The following BAZ2B variants were observed in gnomAD, a reference collection of about 807,000 sequenced individuals.
The protein encoded by BAZ2B is bromodomain adjacent to zinc finger domain protein 2B.
Under a neutral mutation model 246.0 loss-of-function variants are expected in BAZ2B, and 91 were observed. That is an observed-to-expected ratio of 0.37 (90% CI 0.31 to 0.44). The LOEUF (loss-of-function observed/expected upper bound fraction) is 0.44. BAZ2B is among the 20% of genes least tolerant of loss of function. The pLI is 1.00. For synonymous variants in BAZ2B, 855 were observed against 860.0 expected, an observed-to-expected ratio of 0.99 and a Z score of 0.10; for missense variants, 2,332 against 2,533.7, an observed-to-expected ratio of 0.92 and a Z score of 1.71.
chr2:159,627,663 G>A, the BAZ2B span, among the ~76,000 whole-genome samples: 22 of 152,074 alleles, frequency 1.4e-4, no homozygotes, highest in East Asian at 7.7e-4. Context: ...TTGATGAAGC[G>A]TATCTCAAAA....
intron 3 of BAZ2B, chr2:159,464,130 T>C (rs2076755231): frequency 6.6e-6 from 1 of 152,214 alleles, no homozygotes; most frequent in South Asian, 2.1e-4. Context: ...CTTACATGAC[T>C]AAAGAACAAC....
At chr2:159,648,898 G>A in the BAZ2B span, among the ~76,000 whole-genome samples, 3 of 152,098 alleles carry the variant, frequency 2.0e-5, no homozygotes, top group Admixed American at 6.5e-5. Context: ...CTGCCAAACT[G>A]TTTACCAAAG....
chr2:159,520,448 A>G (rs1194462509), intron 2 of BAZ2B, among the ~76,000 whole-genome samples: 1 of 152,178 alleles, frequency 6.6e-6, no homozygotes, highest in Admixed American at 6.5e-5. Context: ...GCTATATATT[A>G]CTATATAATT....
chr2:159,627,311 T>G, the BAZ2B span, among the ~76,000 whole-genome samples: 2 of 149,908 alleles, frequency 1.3e-5, no homozygotes, highest in Non-Finnish European at 3.0e-5. Context: ...ATCCTCCCTC[T>G]TTTTATGAGG....
intron 1 of BAZ2B, among the ~76,000 whole-genome samples, chr2:159,599,141 C>T (rs1053682074): frequency 2.6e-5 from 4 of 152,052 alleles, no homozygotes; most frequent in East Asian, 1.9e-4. Flanking sequence ...GAGCAACTGA[C>T]GTTTTACCTA....
intron 1 of BAZ2B, among the ~76,000 whole-genome samples, chr2:159,596,470 T>C (rs532186491): frequency 1.3e-5 from 2 of 152,358 alleles, no homozygotes; most frequent in East Asian, 3.9e-4. Flanking sequence ...TTATAGCAGC[T>C]AACATAGAAA....
intron 36 of BAZ2B, among the ~76,000 whole-genome samples, chr2:159,323,117 TGG>T (rs1558931230): frequency 6.6e-6 from 1 of 151,726 alleles, no homozygotes; most frequent in Non-Finnish European, 1.5e-5. Context: ...CCTGAGTAGC[TGG>T]GACTACAGGC....
the BAZ2B span, among the ~76,000 whole-genome samples, chr2:159,675,106 A>G: frequency 1.3e-5 from 2 of 152,138 alleles, no homozygotes; most frequent in Non-Finnish European, 2.9e-5. Context: ...TTAGACTGGA[A>G]TAAGATTTAT....
At chr2:159,571,023 T>G (rs1683876649) in intron 1 of BAZ2B, among the ~76,000 whole-genome samples, 2 of 152,074 alleles carry the variant, frequency 1.3e-5, no homozygotes, top group Non-Finnish European at 2.9e-5. Context: ...CTGGCTAATT[T>G]TTGTATTTTT....
intron 2 of BAZ2B, among the ~76,000 whole-genome samples, chr2:159,523,513 G>T (rs1559688335): frequency 6.6e-6 from 1 of 152,076 alleles, no homozygotes; most frequent in African/African-American, 2.4e-5. Flanking sequence ...AGACCAGCCT[G>T]GCCAACATAG....
chr2:159,337,150 C>A, intron 32 of BAZ2B, 73 bp from the exon 33 acceptor site: 1 of 1,508,822 alleles, frequency 6.6e-7, no homozygotes, highest in South Asian at 1.2e-5. Flanking sequence ...ACAATCATCA[C>A]ACTGAAAGCC....
At chr2:159,379,566 T>C (rs2061762967) in intron 25 of BAZ2B, among the ~76,000 whole-genome samples, 1 of 152,134 alleles carries the variant, frequency 6.6e-6, no homozygotes. Context: ...AAATACAACA[T>C]TGGAAATGGA....
At chr2:159,549,000 C>T (rs898711333) in intron 2 of BAZ2B, among the ~76,000 whole-genome samples, 1 of 152,140 alleles carries the variant, frequency 6.6e-6, no homozygotes, top group Non-Finnish European at 1.5e-5. Context: ...TAAACTAAGG[C>T]CGGGCGCGGT....
At chr2:159,480,717 T>C (rs1235023231) in intron 2 of BAZ2B, among the ~76,000 whole-genome samples, 1 of 152,100 alleles carries the variant, frequency 6.6e-6, no homozygotes, top group Non-Finnish European at 1.5e-5. Context: ...TAGTATAGGC[T>C]GGGGCCTTTT....
At chr2:159,556,202 C>A (rs1310319727) in intron 1 of BAZ2B, among the ~76,000 whole-genome samples, 1 of 152,128 alleles carries the variant, frequency 6.6e-6, no homozygotes, top group Admixed American at 6.5e-5. Context: ...AAGAGAAAAA[C>A]AATGTCTTAA....
At chr2:159,491,549 T>C (rs1169349004) in intron 2 of BAZ2B, among the ~76,000 whole-genome samples, 1 of 149,174 alleles carries the variant, frequency 6.7e-6, no homozygotes, top group Non-Finnish European at 1.5e-5. Flanking sequence ...TGAAACCCCG[T>C]CTCTACTAAA....
At chr2:159,702,232 A>G in the BAZ2B span, among the ~76,000 whole-genome samples, 1 of 152,332 alleles carries the variant, frequency 6.6e-6, no homozygotes, top group African/African-American at 2.4e-5. Context: ...GTTAAAAAGC[A>G]AAGTGTTATA....
In BAZ2B at chr2:159,501,224, A is replaced by T. The variant is rs1189484831; in HGVS notation, c.-2-22503T>A. ...ATATTTTTATATATATTATATATAT[A>T]TTTATATATATATATATAAAGTAGC... On this transcript the variant is annotated intron_variant, in intron 2 of 36. Transcript: ENST00000392783. Among the ~76,000 whole-genome samples the T allele has an allele frequency of 1.1e-4, 12 of 114,058 alleles. 1 individual carries two copies. Among genetic ancestry groups the T allele is most frequent in the South Asian group, 2.5e-4 (1 of 3,990 alleles). The allele number at this position is 114,058 out of a possible 152,430, so 74.8% of individuals were successfully genotyped here. A position where few individuals can be genotyped will look rare whatever the true frequency, so the allele number is the denominator to read the frequency against.
At chr2:159,567,670 A>G (rs570506373) in intron 1 of BAZ2B, among the ~76,000 whole-genome samples, 115 of 152,188 alleles carry the variant, frequency 7.6e-4, no homozygotes, top group African/African-American at 2.7e-3. Context: ...TTCCTCCCTA[A>G]AATATTACAA....
Sources: gnomAD v4.1 joint callset for allele counts (sites outside exome capture counted in the v4.1 genomes callset) on GRCh38, gnomAD v4.1.1 for gene constraint, MANE v1.5 for transcripts, NCBI Gene and HGNC (gene_info 2026-07-23, HGNC 2026-07-21) for gene names.